CCL7: variants seen among roughly 807,000 people sequenced by gnomAD.
CCL7 encodes C-C motif chemokine ligand 7, also known as C-C motif chemokine 7.
Under a neutral mutation model 7.1 loss-of-function variants are expected in CCL7, and 8 were observed. That is an observed-to-expected ratio of 1.13 (90% CI 0.66 to 2.04). The LOEUF (loss-of-function observed/expected upper bound fraction) is 2.04, where lower values mean the gene tolerates loss of function less well. Among genes scored for constraint, CCL7 ranks in the 30% most tolerant of loss-of-function variants. The pLI, the probability that CCL7 is intolerant of heterozygous loss-of-function variation, is 0.00. For missense variants in CCL7, 134 were observed against 113.6 expected (o/e 1.18, Z -0.82); for synonymous variants, 46 against 41.2 (o/e 1.12, Z -0.45).
chr17:34,271,857 T>C lies in CCL7; in HGVS notation c.*55T>C, dbSNP rs200700591. 1 of 1,048,954 alleles carries C rather than the reference T, an allele frequency of 9.5e-7. No homozygotes were observed. The allele number at this position is 1,048,954 out of a possible 1,614,324, so 65.0% of individuals were successfully genotyped here. A position where few individuals can be genotyped will look rare whatever the true frequency, so the allele number is the denominator to read the frequency against. On this transcript the variant is annotated 3_prime_UTR_variant, in exon 3 of 3. Transcript: ENST00000378569. ...TGACTTGAGAAACAAATAATTTGTATACCCTGTCCTTTCTCAGAGTGGTTC... is the reference window on the plus strand; with the variant it reads ...TGACTTGAGAAACAAATAATTTGTACACCCTGTCCTTTCTCAGAGTGGTTC...
At chr17:34,270,461 T>A in intron 1 of CCL7, 95 bp downstream of exon 1, 1 of 953,888 alleles carries the variant, frequency 1.0e-6, no homozygotes, top group Non-Finnish European at 1.6e-6. Context: ...AGTCTCACTT[T>A]AACAGCTACT....
intron 1 of CCL7, 72 bp from the exon 2 acceptor site, chr17:34,271,074 T>C: frequency 6.2e-7 from 1 of 1,602,578 alleles, no homozygotes; most frequent in Non-Finnish European, 8.5e-7. Context: ...CTTCTTACCA[T>C]TCCCTGTTTT....
chr17:34,271,035 T>C (rs1336264358), intron 1 of CCL7, 111 bp from the exon 2 acceptor site: 1 of 1,566,208 alleles, frequency 6.4e-7, no homozygotes, highest in Non-Finnish European at 8.7e-7. Flanking sequence ...AGCTTTTCCC[T>C]CCACCTCTTC....
intron 1 of CCL7, 109 bp downstream of exon 1, chr17:34,270,475 C>CCAAG (rs1359197794): frequency 2.3e-6 from 2 of 859,272 alleles, no homozygotes; most frequent in African/African-American, 3.4e-5. Context: ...AGCTACTTTT[C>CCAAG]CAAGATAAGG....
intron 1 of CCL7, 43 bp from the exon 2 acceptor site, chr17:34,271,103 G>A: frequency 6.2e-7 from 1 of 1,613,688 alleles, no homozygotes; most frequent in Non-Finnish European, 8.5e-7. Context: ...AAAGACCCAG[G>A]ACACACCCTC....
chr17:34,270,398 CAT>C (rs765100456), intron 1 of CCL7, 32 bp downstream of exon 1: 6 of 1,568,562 alleles, frequency 3.8e-6, no homozygotes, highest in Non-Finnish European at 5.3e-6. Context: ...CCTTGAAGCA[CAT>C]TGCCCCCTCT....
chr17:34,270,432 A>G, intron 1 of CCL7, 66 bp downstream of exon 1: 2 of 1,260,226 alleles, frequency 1.6e-6, no homozygotes, highest in Non-Finnish European at 2.3e-6. Context: ...TGGACCAATC[A>G]AGAAGACCTG....
Position 34,270,335 on chromosome 17 carries a change from T to C in CCL7, c.45T>C (p.Ala15=). 6.2e-7 allele frequency: 1 copy of C among 1,614,218 alleles called. No homozygotes were observed. Among genetic ancestry groups the C allele is most frequent in the Non-Finnish European group, 8.5e-7 (1 of 1,180,020 alleles). ...TTCTGTGTCTGCTGCTCACAGCAGCTGCTTTCAGCCCCCAGGGGCTTGCTC... is the reference window on the plus strand; with the variant it reads ...TTCTGTGTCTGCTGCTCACAGCAGCCGCTTTCAGCCCCCAGGGGCTTGCTC... ...AALLCLLLTA[A]AFSPQGLAQP... The change falls in exon 1 of 3, where the codon GCT becomes GCC. Residue 15 remains alanine, a synonymous_variant. Coordinates refer to ENST00000378569, the MANE Select transcript of CCL7 (RefSeq NM_006273.4).
At chr17:34,270,948 C>A in intron 1 of CCL7, 198 bp from the exon 2 acceptor site, 1 of 1,173,392 alleles carries the variant, frequency 8.5e-7, no homozygotes, top group Non-Finnish European at 1.2e-6. Flanking sequence ...TGGTGCATCC[C>A]TATTTCACAG....
At chr17:34,271,376 C>A in intron 2 of CCL7, 113 bp downstream of exon 2, 2 of 813,102 alleles carry the variant, frequency 2.5e-6, no homozygotes, top group Non-Finnish European at 2.0e-6. Context: ...ATGCATACAG[C>A]ATCTCTAACC....
intron 2 of CCL7, 25 bp downstream of exon 2, chr17:34,271,288 C>A (rs747131979): frequency 6.3e-7 from 1 of 1,583,808 alleles, no homozygotes; most frequent in East Asian, 2.2e-5. Context: ...ACCACCCACC[C>A]CTCACACCTC....
intron 2 of CCL7, 65 bp downstream of exon 2, chr17:34,271,328 A>T (rs764301151): frequency 6.9e-6 from 9 of 1,296,666 alleles, no homozygotes; most frequent in Non-Finnish European, 5.5e-6. Flanking sequence ...GGCAGGGAAT[A>T]GGACTAGTAT....
chr17:34,270,901 G>A (rs138471029), intron 1 of CCL7, among the ~76,000 whole-genome samples: 23 of 152,298 alleles, frequency 1.5e-4, no homozygotes, highest in African/African-American at 5.5e-4. Context: ...AATGCCCAGA[G>A]TAGCCATCAA....
At chr17:34,271,568 C>A (rs1463277368) in intron 2 of CCL7, 129 bp from the exon 3 acceptor site, 7 of 631,438 alleles carry the variant, frequency 1.1e-5, no homozygotes, top group East Asian at 2.8e-5. Context: ...GTTTTATCTT[C>A]TTCCTTCATC....
In CCL7 at chr17:34,271,869, T is replaced by C; in HGVS notation, c.*67T>C. On this transcript the variant is annotated 3_prime_UTR_variant, in exon 3 of 3. Coordinates refer to ENST00000378569, the MANE Select transcript of CCL7 (RefSeq NM_006273.4). ...CAAATAATTTGTATACCCTGTCCTT[T>C]CTCAGAGTGGTTCTGAGATTATTTT... 2 of 913,904 alleles carry C rather than the reference T, an allele frequency of 2.2e-6. No individual in the cohort carries two copies. The highest frequency in any genetic ancestry group is 3.5e-6 in the Non-Finnish European group (2 of 572,778). 56.6% of individuals were successfully genotyped at this position (913,904 alleles called of 1,614,324 possible).
Position 34,271,244 on chromosome 17 carries a change from T to C in CCL7, c.175T>C (p.Cys59Arg), listed in dbSNP as rs139508575. ...ESYRRTTSSH[C>R]PREAVIFKTK... ...CTACAGAAGGACCACCAGTAGCCAC[T>C]GTCCCCGGGAAGCTGTAATGTATGT... Residue 59 changes from cysteine (C) to arginine (R), a missense_variant, in exon 2 of 3, where the codon TGT (cysteine) becomes CGT (arginine). Transcript: ENST00000378569. The C allele has an allele frequency of 2.0e-4, 327 of 1,614,018 alleles. No individual in the cohort carries two copies. The highest frequency in any genetic ancestry group is 2.6e-4 in the Non-Finnish European group (312 of 1,179,908).
rs199538425 is a variant in CCL7, at chr17:34,271,921, T to C, written c.*119T>C. On this transcript the variant is annotated 3_prime_UTR_variant, in exon 3 of 3. Coordinates refer to ENST00000378569, the MANE Select transcript of CCL7 (RefSeq NM_006273.4). ...ATCTAATTCTAAGGAATATGAGCTT[T>C]ATGTAATAATGTGAATCATGGTTTT... 2.2e-5 allele frequency: 14 copies of C among 641,946 alleles called. No individual in the cohort carries two copies. The highest frequency in any genetic ancestry group is 3.3e-5 in the Non-Finnish European group (12 of 364,980). The allele number at this position is 641,946 out of a possible 1,614,324, so 39.8% of individuals were successfully genotyped here.
At position 34,270,282 on chromosome 17, in the gene CCL7, C is replaced by T. The variant is rs1329461433; in HGVS notation, c.-9C>T. ...TCTCATGTGGAAGCCCATGCCCTCA[C>T]CCTCCAACATGAAAGCCTCTGCAGC... On this transcript the variant is annotated 5_prime_UTR_variant, in exon 1 of 3. Coordinates refer to ENST00000378569, the MANE Select transcript of CCL7 (RefSeq NM_006273.4). The T allele has an allele frequency of 2.5e-6, 4 of 1,614,022 alleles. No individual in the cohort carries two copies. In the Admixed American group the frequency reaches 6.7e-5, roughly 27 times the overall value.
Position 34,271,246 on chromosome 17 carries a change from T to A in CCL7, c.177T>A (p.Cys59Ter), listed in dbSNP as rs775095953. 6.2e-7 allele frequency: 1 copy of A among 1,613,750 alleles called. No individual in the cohort carries two copies. The highest frequency in any genetic ancestry group is 1.3e-5 in the African/African-American group (1 of 74,872). The change falls in exon 2 of 3, where the codon TGT becomes TGA. Residue 59 changes from cysteine (C) to a stop codon, truncating the protein, a stop_gained. Coordinates refer to ENST00000378569, the MANE Select transcript of CCL7 (RefSeq NM_006273.4). LOFTEE classifies it low-confidence loss of function (END_TRUNC). ...ACAGAAGGACCACCAGTAGCCACTG[T>A]CCCCGGGAAGCTGTAATGTATGTGG... ...ESYRRTTSSH[C>*]PREAVIFKTK...
Sources: allele counts gnomAD v4.1 joint callset (sites outside exome capture counted in the v4.1 genomes callset), GRCh38; gene constraint gnomAD v4.1.1; transcripts MANE v1.5; gene names NCBI Gene and HGNC (gene_info 2026-07-23, HGNC 2026-07-21).